SMCO4: variants seen among roughly 807,000 people sequenced by gnomAD.
SMCO4 encodes the protein single-pass membrane and coiled-coil domain-containing protein 4.
SMCO4 carries 4 observed loss-of-function variants against 3.6 expected under a neutral mutation model. The ratio of observed to expected loss-of-function variants is 1.11; its 90% confidence interval spans 0.54 to 2.53. SMCO4 has a LOEUF of 2.53. Among genes scored for constraint, SMCO4 ranks in the 30% most tolerant of loss-of-function variants. SMCO4 has a pLI of 0.02. For synonymous variants in SMCO4, 36 were observed against 35.3 expected, an observed-to-expected ratio of 1.02 and a Z score of -0.07; for missense variants, 70 against 80.8, an observed-to-expected ratio of 0.87 and a Z score of 0.51.
the SMCO4 span, among the ~76,000 whole-genome samples, chr11:93,549,245 C>T: frequency 3.9e-5 from 6 of 152,176 alleles, no homozygotes; most frequent in Non-Finnish European, 8.8e-5. Flanking sequence ...GTTCTTAATC[C>T]CTGTTTTACA....
upstream of SMCO4, among the ~76,000 whole-genome samples, chr11:93,545,588 C>A (rs867051942): frequency 1.0e-3 from 87 of 85,970 alleles, no homozygotes; most frequent in African/African-American, 2.1e-3. Flanking sequence ...AACTCTGTCT[C>A]AAAAAAAAAA....
At chr11:93,500,916 G>A (rs1219597520) in intron 1 of SMCO4, among the ~76,000 whole-genome samples, 1 of 152,186 alleles carries the variant, frequency 6.6e-6, no homozygotes, top group Admixed American at 6.5e-5. Flanking sequence ...TGAGCAGCTT[G>A]TCGCCCCAGG....
chr11:93,548,332 C>T (rs1454227168), upstream of SMCO4, among the ~76,000 whole-genome samples: 1 of 152,098 alleles, frequency 6.6e-6, no homozygotes, highest in Non-Finnish European at 1.5e-5. Flanking sequence ...GTTTCCATTC[C>T]CACTCCCAAA....
intron 1 of SMCO4, among the ~76,000 whole-genome samples, chr11:93,534,902 C>T (rs1416734110): frequency 1.3e-5 from 2 of 152,214 alleles, no homozygotes; most frequent in East Asian, 3.8e-4. Context: ...CCAGAGCATC[C>T]TGCTAAGGGT....
chr11:93,485,719 G>C lies in SMCO4; in HGVS notation c.-80-6450C>G, dbSNP rs959007062. 3.3e-5 allele frequency among the ~76,000 whole-genome samples: 5 copies of C among 152,194 alleles called. 1 individual carries two copies. The highest frequency in any genetic ancestry group is 5.9e-5 in the Non-Finnish European group (4 of 68,052). On this transcript the variant is annotated intron_variant, in intron 2 of 2. Coordinates refer to ENST00000298966, the MANE Select transcript of SMCO4 (RefSeq NM_020179.3). Reference sequence around the variant, plus strand: ...AACATCTGCTGGACTGAATATCAAAGCCGGAATATTTTAAGACAAGCAGTT... The same window carrying C: ...AACATCTGCTGGACTGAATATCAAACCCGGAATATTTTAAGACAAGCAGTT...
chr11:93,491,704 C>T (rs2134582960), intron 2 of SMCO4, among the ~76,000 whole-genome samples: 1 of 152,230 alleles, frequency 6.6e-6, no homozygotes, highest in South Asian at 2.1e-4. Flanking sequence ...GTTATTTCTC[C>T]CAAATCTTTG....
At chr11:93,533,268 G>A (rs1273980946) in intron 1 of SMCO4, among the ~76,000 whole-genome samples, 6 of 152,152 alleles carry the variant, frequency 3.9e-5, no homozygotes, top group Admixed American at 2.6e-4. Context: ...GGTGACCAGG[G>A]GAATGAAACC....
In SMCO4 at chr11:93,479,134, C is replaced by T. The variant is rs748044004; in HGVS notation, c.56G>A (p.Arg19Gln). ...KKETSKDKKE[R>Q]KQAMQEARQQ... ...CCGGGCCTCCTGCATGGCTTGCTTC[C>T]GCTCCTTCTTGTCCTTGGAGGTCTC... is the stretch of plus-strand genomic sequence containing the variant. The change falls in exon 3 of 3, where the codon CGG becomes CAG. Residue 19 changes from arginine (R) to glutamine (Q), a missense_variant. Coordinates refer to ENST00000298966, the MANE Select transcript of SMCO4 (RefSeq NM_020179.3). 5.6e-6 allele frequency: 9 copies of T among 1,614,090 alleles called. No homozygotes were observed. Among genetic ancestry groups the T allele is most frequent in the East Asian group, 2.2e-5 (1 of 44,820 alleles).
At chr11:93,527,395 C>CA (rs1301832501) in intron 1 of SMCO4, among the ~76,000 whole-genome samples, 6 of 150,298 alleles carry the variant, frequency 4.0e-5, no homozygotes, top group Admixed American at 1.3e-4. Context: ...TAAGGGGTTC[C>CA]AAAAAAAAAT....
At chr11:93,533,489 C>T (rs2134634049) in intron 1 of SMCO4, among the ~76,000 whole-genome samples, 1 of 152,264 alleles carries the variant, frequency 6.6e-6, no homozygotes. Context: ...GAGAGCTGGG[C>T]CTACTTGTGC....
intron 1 of SMCO4, among the ~76,000 whole-genome samples, chr11:93,507,619 T>C (rs1160089721): frequency 6.6e-6 from 1 of 152,372 alleles, no homozygotes; most frequent in East Asian, 1.9e-4. Context: ...TTTCAATGGA[T>C]GTGATAGGAC....
chr11:93,487,315 G>A (rs1199491644), intron 2 of SMCO4, among the ~76,000 whole-genome samples: 1 of 152,188 alleles, frequency 6.6e-6, no homozygotes, highest in Non-Finnish European at 1.5e-5. Context: ...GATAACATAA[G>A]CGTCTGCCCC....
At chr11:93,535,795 G>A (rs1949218945) in intron 1 of SMCO4, 1 of 1,613,600 alleles carries the variant, frequency 6.2e-7, no homozygotes, top group Non-Finnish European at 8.5e-7. Flanking sequence ...CAAAGCAGCA[G>A]CAGCAGCAGC....
At chr11:93,507,616 G>T (rs985133246) in intron 1 of SMCO4, among the ~76,000 whole-genome samples, 2 of 152,188 alleles carry the variant, frequency 1.3e-5, no homozygotes, top group African/African-American at 4.8e-5. Context: ...TCCTTTCAAT[G>T]GATGTGATAG....
intron 2 of SMCO4, among the ~76,000 whole-genome samples, chr11:93,495,563 T>C (rs1479122402): frequency 6.6e-6 from 1 of 152,340 alleles, no homozygotes; most frequent in East Asian, 1.9e-4. Context: ...TCTTTTTCCC[T>C]TGTATAATAG....
intron 1 of SMCO4, among the ~76,000 whole-genome samples, chr11:93,511,843 C>T (rs760284095): frequency 6.6e-6 from 1 of 152,140 alleles, no homozygotes; most frequent in Non-Finnish European, 1.5e-5. Flanking sequence ...CAGTGAGCTG[C>T]CATATTCGTA....
chr11:93,493,567 G>A (rs749118877), intron 2 of SMCO4, among the ~76,000 whole-genome samples: 26 of 152,046 alleles, frequency 1.7e-4, no homozygotes, highest in Non-Finnish European at 3.7e-4. Context: ...CCTTCCTCCA[G>A]CCTCCTGATT....
intron 2 of SMCO4, among the ~76,000 whole-genome samples, chr11:93,488,346 C>A (rs1948674394): frequency 6.6e-6 from 1 of 152,156 alleles, no homozygotes; most frequent in South Asian, 2.1e-4. Flanking sequence ...CAGAAGGGTG[C>A]TGCTTACATT....
intron 2 of SMCO4, among the ~76,000 whole-genome samples, chr11:93,496,662 G>C (rs917527619): frequency 7.9e-5 from 12 of 152,188 alleles, no homozygotes; most frequent in African/African-American, 2.7e-4. Context: ...GGAGCACCTG[G>C]AACCCCACTC....
Sources: allele counts gnomAD v4.1 joint callset (sites outside exome capture counted in the v4.1 genomes callset), GRCh38; gene constraint gnomAD v4.1.1; transcripts MANE v1.5; gene names NCBI Gene and HGNC (gene_info 2026-07-23, HGNC 2026-07-21).